The following SLC29A4 variants were observed in gnomAD, a reference collection of about 807,000 sequenced individuals.
The protein encoded by SLC29A4 is equilibrative nucleoside transporter 4.
In SLC29A4, 36 loss-of-function variants were observed where a neutral mutation model predicts 43.9. That is an observed-to-expected ratio of 0.82 (90% confidence interval 0.63 to 1.08). The LOEUF is 1.08. Ranked by LOEUF, SLC29A4 falls within the 50% of genes least tolerant of loss-of-function variation. The pLI is 0.00. For missense variants in SLC29A4, 869 were observed against 755.3 expected (o/e 1.15, Z -1.77); for synonymous variants, 491 against 338.0 (o/e 1.45, Z -4.97).
intron 2 of SLC29A4, among the ~76,000 whole-genome samples, chr7:5,288,228 C>T (rs67938234): frequency 0.51 from 77,424 of 150,730 alleles, 20,773 homozygotes; most frequent in Non-Finnish European, 0.59. Context: ...GAGGCTCTGT[C>T]TTAACATGGG....
At chr7:5,299,218 A>G in intron 8 of SLC29A4, 22 bp from the exon 9 acceptor site, 1 of 1,602,106 alleles carries the variant, frequency 6.2e-7, no homozygotes. Flanking sequence ...GCTGCCTCTG[A>G]CCCCCGCCCG....
At chr7:5,290,357 C>T (rs1010460001) in intron 2 of SLC29A4, among the ~76,000 whole-genome samples, 1 of 152,000 alleles carries the variant, frequency 6.6e-6, no homozygotes, top group Non-Finnish European at 1.5e-5. Context: ...GCCACGGCGC[C>T]TGGCCATTTT....
rs1437630360 is a variant in SLC29A4 at position 5,296,957 on chromosome 7, C to G, written c.641C>G (p.Ser214Cys). 6.3e-7 allele frequency: 1 copy of G among 1,582,496 alleles called. No homozygotes were observed. The highest frequency in any genetic ancestry group is 1.3e-5 in the African/African-American group (1 of 74,530). Residue 214 changes from serine to cysteine, a missense_variant, in exon 7 of 11, where the codon TCT (serine) becomes TGT (cysteine). Transcript: ENST00000396872. ...TGESTAGVMI[S>C]LSRILTKLLL... ...CCAGGCACGGCGGGCGTGATGATCTCTCTGAGCCGCATCCTCACGAAGCTG... is the reference window on the plus strand; with the variant it reads ...CCAGGCACGGCGGGCGTGATGATCTGTCTGAGCCGCATCCTCACGAAGCTG...
At position 5,302,097 on chromosome 7, in the gene SLC29A4, C is replaced by T. The variant is rs755291790; in HGVS notation, c.1451-700C>T. Among the ~76,000 whole-genome samples the T allele has an allele frequency of 6.6e-4, 101 of 151,976 alleles. 3 individuals carry two copies. The highest frequency in any genetic ancestry group is 1.8e-4 in the Non-Finnish European group (12 of 67,922). On this transcript the variant is annotated intron_variant, in intron 10 of 10. Coordinates refer to ENST00000396872, the MANE Select transcript of SLC29A4 (RefSeq NM_153247.4). ...TCCTGAGTAGCTGGGATTATGGATG[C>T]CCCCCACCATACCTGGCGAATGTTT...
intron 1 of SLC29A4, among the ~76,000 whole-genome samples, chr7:5,283,688 C>A (rs1054253898): frequency 6.6e-6 from 1 of 151,972 alleles, no homozygotes; most frequent in African/African-American, 2.4e-5. Flanking sequence ...TGTAACCCAC[C>A]CCCACAGGAG....
At chr7:5,298,333 G>A (rs546894451) in intron 7 of SLC29A4, among the ~76,000 whole-genome samples, 23 of 152,312 alleles carry the variant, frequency 1.5e-4, no homozygotes, top group Admixed American at 6.5e-4. Flanking sequence ...GCGTGTTGGG[G>A]CAGAGGGAAA....
chr7:5,287,301 C>A (rs1785013739), intron 1 of SLC29A4, among the ~76,000 whole-genome samples: 1 of 151,922 alleles, frequency 6.6e-6, no homozygotes, highest in African/African-American at 2.4e-5. Flanking sequence ...ACCTGTGGTC[C>A]CAGCTACTTG....
At chr7:5,293,006 T>C (rs1030454417) in intron 5 of SLC29A4, among the ~76,000 whole-genome samples, 4 of 151,270 alleles carry the variant, frequency 2.6e-5, no homozygotes, top group East Asian at 3.9e-4. Context: ...GCCCCGATAA[T>C]GTTCTTTATA....
chr7:5,297,000 C>T lies in SLC29A4; in HGVS notation c.684C>T (p.Arg228=), dbSNP rs769220744. 2.2e-5 allele frequency: 36 copies of T among 1,604,302 alleles called. No individual in the cohort carries two copies. The highest frequency in any genetic ancestry group is 6.7e-5 in the Admixed American group (4 of 59,930). The change falls in exon 7 of 11, where the codon CGC becomes CGT. Residue 228 remains arginine, a synonymous_variant. Transcript: ENST00000396872. ...ILTKLLLPDE[R]ASTLIFFLVS... ...CGAAGCTGCTGCTGCCCGACGAGCG[C>T]GCCAGCACGCTCATCTTCTTCCTGG... is the stretch of plus-strand genomic sequence containing the variant.
At position 5,299,370 on chromosome 7, in the gene SLC29A4, C is replaced by T. The variant is rs764716316; in HGVS notation, c.1152C>T (p.Gly384=). The change falls in exon 9 of 11, where the codon GGC becomes GGT. Residue 384 remains glycine, a synonymous_variant. Transcript: ENST00000396872. ...LESEIRHCIL[G]EWLPILIMAV... is the part of the protein sequence containing the mutation. ...CTGAGATCCGCCACTGCATCCTGGG[C>T]GAGTGGCTGCCCATCCTCATCATGG... is the stretch of plus-strand genomic sequence containing the variant. 5.0e-6 allele frequency: 8 copies of T among 1,612,228 alleles called. No homozygotes were observed. The highest frequency in any genetic ancestry group is 2.7e-5 in the African/African-American group (2 of 74,880).
chr7:5,285,274 C>A (rs952259905), intron 1 of SLC29A4, among the ~76,000 whole-genome samples: 1 of 151,938 alleles, frequency 6.6e-6, no homozygotes, highest in Non-Finnish European at 1.5e-5. Context: ...CACCCCACCC[C>A]CAACCCCCCA....
chr7:5,287,841 C>G lies in SLC29A4; in HGVS notation c.25C>G (p.Leu9Val), dbSNP rs774615892. 1.2e-6 allele frequency: 2 copies of G among 1,611,732 alleles called. No individual in the cohort carries two copies. The highest frequency in any genetic ancestry group is 2.7e-5 in the African/African-American group (2 of 74,908). Residue 9 changes from leucine to valine, a missense_variant, in exon 2 of 11, where the codon CTT (leucine) becomes GTT (valine). Transcript: ENST00000396872. ...CATGGGCTCCGTGGGGAGCCAGCGC[C>G]TTGAGGAGCCCAGCGTGGCAGGCAC... MGSVGSQR[L>V]EEPSVAGTPD...
rs1443748760 is a variant in SLC29A4, at chr7:5,302,873, C to T, written c.1527C>T (p.Thr509=). The stretch of plus-strand genomic sequence containing the variant: ...TGGCCTACTGCACCTACAGCCTCAC[C>T]CGCGACGCTCACGGCAGCTGCCTGC... The part of the protein sequence containing the change: ...SAVAYCTYSL[T]RDAHGSCLHA... The change falls in exon 11 of 11, where the codon ACC becomes ACT. Residue 509 remains threonine (T), a synonymous_variant. Coordinates refer to ENST00000396872, the MANE Select transcript of SLC29A4 (RefSeq NM_153247.4). 6 of 1,604,218 alleles carry T rather than the reference C, an allele frequency of 3.7e-6. No individual in the cohort carries two copies. Among genetic ancestry groups the T allele is most frequent in the South Asian group, 2.2e-5 (2 of 89,098 alleles).
chr7:5,286,354 C>A (rs2128086205), intron 1 of SLC29A4, among the ~76,000 whole-genome samples: 1 of 152,072 alleles, frequency 6.6e-6, no homozygotes, highest in East Asian at 1.9e-4. Flanking sequence ...GAAACGCCAT[C>A]TCTACTAAAA....
intron 7 of SLC29A4, among the ~76,000 whole-genome samples, chr7:5,298,113 C>T (rs1785845391): frequency 1.3e-5 from 2 of 152,188 alleles, no homozygotes; most frequent in Admixed American, 6.5e-5. Flanking sequence ...GGTCGGGAAC[C>T]AGAATGGTCA....
intron 1 of SLC29A4, among the ~76,000 whole-genome samples, chr7:5,284,457 A>T (rs577388118): frequency 1.3e-5 from 2 of 152,316 alleles, no homozygotes; most frequent in African/African-American, 4.8e-5. Flanking sequence ...AGGCCAAAAA[A>T]ATGACCTGTG....
chr7:5,286,794 T>G (rs554466570), intron 1 of SLC29A4, among the ~76,000 whole-genome samples: 104 of 152,318 alleles, frequency 6.8e-4, no homozygotes, highest in South Asian at 6.4e-3. Flanking sequence ...GGTTGAGATC[T>G]GGGTTCTCCC....
chr7:5,293,427 C>T (rs1427507775), intron 5 of SLC29A4, among the ~76,000 whole-genome samples: 1 of 152,224 alleles, frequency 6.6e-6, no homozygotes, highest in South Asian at 2.1e-4. Flanking sequence ...GCCTCAGCCT[C>T]CCAAAGTGCT....
chr7:5,305,993 CGCT>C lies in SLC29A4; in HGVS notation c.*3055_*3057del, dbSNP rs1786466187. On this transcript the variant is annotated 3_prime_UTR_variant, in exon 11 of 11. Coordinates refer to ENST00000396872, the MANE Select transcript of SLC29A4 (RefSeq NM_153247.4). ...TCCCAAGTAGCTGGGATTACAGGCACGCTCCACCACACCCGGCTAATTTTTTTG... is the reference window on the plus strand; with the variant it reads ...TCCCAAGTAGCTGGGATTACAGGCACCCACCACACCCGGCTAATTTTTTTG... 6.6e-6 allele frequency: 1 copy of C among 151,472 alleles called. No homozygotes were observed. 9.4% of individuals were successfully genotyped at this position (151,472 alleles called of 1,614,324 possible). A position where few individuals can be genotyped will look rare whatever the true frequency, so the allele number is the denominator to read the frequency against.
Sources: gnomAD v4.1 joint callset for allele counts (sites outside exome capture counted in the v4.1 genomes callset) on GRCh38, gnomAD v4.1.1 for gene constraint, MANE v1.5 for transcripts, NCBI Gene and HGNC (gene_info 2026-07-23, HGNC 2026-07-21) for gene names.